Variants in SCN1A observed in about 807,000 individuals in gnomAD.
SCN1A encodes the protein sodium voltage-gated channel alpha subunit 1.
SCN1A carries 13 observed loss-of-function variants against 193.7 expected under a neutral mutation model. The ratio of observed to expected loss-of-function variants is 0.07; its 90% CI spans 0.04 to 0.11. SCN1A has a LOEUF of 0.11. Among genes scored for constraint, SCN1A ranks in the 10% least tolerant of loss-of-function variants. The probability of loss-of-function intolerance (pLI) is 1.00; values close to 1 mark genes in which losing one functional copy is unlikely to be tolerated. For missense variants in SCN1A, 1,432 were observed against 2,451.1 expected, an observed-to-expected ratio of 0.58 and a Z score of 8.78; for synonymous variants, 781 against 843.6, an observed-to-expected ratio of 0.93 and a Z score of 1.29.
At chr2:166,134,876 G>T (rs7593275) in intron 1 of SCN1A, among the ~76,000 whole-genome samples, 11,207 of 152,108 alleles carry the variant, frequency 0.074, 686 homozygotes, top group African/African-American at 0.17. Context: ...CTTCAGAAAA[G>T]ATCAAGGTAC....
chr2:166,120,213 TTTTCC>T (rs1371315436), intron 2 of SCN1A, among the ~76,000 whole-genome samples: 19 of 151,754 alleles, frequency 1.3e-4, no homozygotes, highest in African/African-American at 2.4e-5. Flanking sequence ...TTTATGTTCC[TTTTCC>T]TTTATGTATT....
chr2:166,042,941 A>G (rs1312293559), intron 14 of SCN1A, among the ~76,000 whole-genome samples: 3 of 152,214 alleles, frequency 2.0e-5, no homozygotes, highest in Admixed American at 1.3e-4. Context: ...CATGGACAAC[A>G]GTTTCATCCA....
At chr2:166,017,337 T>A (rs1279253495) in intron 19 of SCN1A, among the ~76,000 whole-genome samples, 1 of 151,980 alleles carries the variant, frequency 6.6e-6, no homozygotes, top group Admixed American at 6.6e-5. Flanking sequence ...GCACTGAATT[T>A]AAAACATATC....
At chr2:166,131,479 A>AT (rs1343306528), upstream of SCN1A, among the ~76,000 whole-genome samples, 1 of 151,990 alleles carries the variant, frequency 6.6e-6, no homozygotes, top group Non-Finnish European at 1.5e-5. Flanking sequence ...ATAAAAGGGA[A>AT]TATTATAATG....
intron 2 of SCN1A, among the ~76,000 whole-genome samples, chr2:166,110,889 A>G (rs536246809): frequency 1.3e-5 from 2 of 152,154 alleles, no homozygotes; most frequent in African/African-American, 4.8e-5. Flanking sequence ...GGTTTTATAA[A>G]GGGGAGTTGC....
chr2:166,110,823 G>A (rs1223721655), intron 2 of SCN1A, among the ~76,000 whole-genome samples: 2 of 152,132 alleles, frequency 1.3e-5, no homozygotes, highest in East Asian at 1.9e-4. Context: ...GAATCATGGG[G>A]GCAGGTCCTT....
intron 2 of SCN1A, among the ~76,000 whole-genome samples, chr2:166,094,715 T>C (rs1412621012): frequency 6.6e-6 from 1 of 151,802 alleles, no homozygotes; most frequent in African/African-American, 2.4e-5. Flanking sequence ...CAACAAAAGA[T>C]CATTAAATAC....
chr2:165,997,833 T>A (rs1252303472), intron 26 of SCN1A, among the ~76,000 whole-genome samples: 1 of 151,252 alleles, frequency 6.6e-6, no homozygotes, highest in Non-Finnish European at 1.5e-5. Context: ...TATGAACCTA[T>A]GAACAAGAGT....
chr2:166,027,313 C>T (rs890915076), intron 19 of SCN1A: 1 of 152,096 alleles, frequency 6.6e-6, no homozygotes, highest in Non-Finnish European at 1.5e-5. Context: ...ATGATTTTGA[C>T]CTTGAGGGTA....
At chr2:166,046,639 G>T in intron 12 of SCN1A, 131 bp downstream of exon 12, 1 of 822,702 alleles carries the variant, frequency 1.2e-6, no homozygotes, top group Non-Finnish European at 1.9e-6. Context: ...AAAGTAAGTG[G>T]ATCATCAAAA....
chr2:166,082,168 G>C (rs2106024653), intron 2 of SCN1A, among the ~76,000 whole-genome samples: 1 of 152,074 alleles, frequency 6.6e-6, no homozygotes, highest in Non-Finnish European at 1.5e-5. Flanking sequence ...TTAAAAAACA[G>C]AGATTAGTCT....
chr2:166,057,640 TTCAAA>T (rs1699264985), intron 5 of SCN1A, among the ~76,000 whole-genome samples: 1 of 152,044 alleles, frequency 6.6e-6, no homozygotes, highest in Non-Finnish European at 1.5e-5. Context: ...ATTTTTATGT[TTCAAA>T]TCTTTTAATT....
At chr2:165,984,710 G>A (rs947877599), downstream of SCN1A, 7 of 152,000 alleles carry the variant, frequency 4.6e-5, no homozygotes, top group African/African-American at 9.7e-5. Context: ...GAATTGCTCC[G>A]TGGACATCAT....
intron 27 of SCN1A, 100 bp downstream of exon 27, chr2:165,995,913 A>AT: frequency 1.2e-6 from 1 of 822,422 alleles, no homozygotes; most frequent in Non-Finnish European, 2.1e-6. Flanking sequence ...AGTGAAAGAA[A>AT]TTTTTTCTAC....
At chr2:166,023,349 G>A (rs1375568223) in intron 19 of SCN1A, among the ~76,000 whole-genome samples, 1 of 152,232 alleles carries the variant, frequency 6.6e-6, no homozygotes, top group Non-Finnish European at 1.5e-5. Flanking sequence ...CCAGGCCACA[G>A]TAGTGGAAAG....
chr2:166,084,218 C>CTT (rs57907653), intron 2 of SCN1A, among the ~76,000 whole-genome samples: 20 of 127,310 alleles, frequency 1.6e-4, no homozygotes, highest in East Asian at 6.6e-4. Flanking sequence ...TCTCAATTTT[C>CTT]TTTTTTTTTT....
intron 19 of SCN1A, among the ~76,000 whole-genome samples, chr2:166,021,644 AATT>A: frequency 6.6e-6 from 1 of 152,308 alleles, no homozygotes; most frequent in Non-Finnish European, 1.5e-5. Context: ...AATTTGTATA[AATT>A]ATTTCTAAAA....
rs549630966 is a variant in SCN1A at position 166,126,092 on chromosome 2, A to G, written c.-142+832T>C. 1.1e-4 allele frequency among the ~76,000 whole-genome samples: 17 copies of G among 152,270 alleles called. No homozygotes were observed. In the East Asian group the frequency reaches 3.1e-3, roughly 28 times the overall value. ...TCCATTGCTGGGTCCATGTGATATA[A>G]CCAGCCACTTGTGCTCTGTTCTAGT... is the stretch of plus-strand genomic sequence containing the variant. On this transcript the variant is annotated intron_variant, in intron 2 of 28. Coordinates refer to ENST00000674923, the MANE Select transcript of SCN1A (RefSeq NM_001165963.4).
At chr2:166,142,679 A>G (rs1346241631) in intron 1 of SCN1A, among the ~76,000 whole-genome samples, 1 of 152,208 alleles carries the variant, frequency 6.6e-6, no homozygotes, top group Non-Finnish European at 1.5e-5. Context: ...GAACACTGAC[A>G]ACTTTTAGAA....
Sources: gnomAD v4.1 joint callset for allele counts (sites outside exome capture counted in the v4.1 genomes callset) on GRCh38, gnomAD v4.1.1 for gene constraint, MANE v1.5 for transcripts, NCBI Gene and HGNC (gene_info 2026-07-23, HGNC 2026-07-21) for gene names.